Variants in CCDC141 observed in about 807,000 individuals in gnomAD.
CCDC141 encodes coiled-coil domain-containing protein 141.
CCDC141 carries 168 observed loss-of-function variants against 181.0 expected under a neutral mutation model. That is an observed-to-expected ratio of 0.93 (90% CI 0.82 to 1.05). The LOEUF (loss-of-function observed/expected upper bound fraction) is 1.05. CCDC141 is among the 50% of genes least tolerant of loss of function. The pLI, the probability that CCDC141 is intolerant of heterozygous loss-of-function variation, is 0.00. For synonymous variants in CCDC141, 666 were observed against 642.3 expected (o/e 1.04, Z -0.56); for missense variants, 1,902 against 1,788.5 (o/e 1.06, Z -1.14).
At chr2:178,894,635 A>C (rs1358815287) in intron 8 of CCDC141, among the ~76,000 whole-genome samples, 1 of 152,102 alleles carries the variant, frequency 6.6e-6, no homozygotes, top group Admixed American at 6.5e-5. Context: ...ATATTTTCTA[A>C]AATAAGAAAT....
chr2:179,015,080 ATAT>A lies in CCDC141; in HGVS notation c.225+32201_225+32203del, dbSNP rs1559048473. On this transcript the variant is annotated intron_variant, in intron 2 of 23. Transcript: ENST00000443758. ...GAGAGAGACAGAGATATATATATAT[ATAT>A]ATATATATATATATATATATAATAT... 5.6e-4 allele frequency among the ~76,000 whole-genome samples: 21 copies of A among 37,308 alleles called. 2 individuals carry two copies. The highest frequency in any genetic ancestry group is 1.7e-3 in the African/African-American group (20 of 11,910). 24.5% of individuals were successfully genotyped at this position (37,308 alleles called of 152,430 possible).
In CCDC141 at chr2:178,927,511, G is replaced by A. The variant is rs58427844; in HGVS notation, c.898-8604C>T. 5.1e-3 allele frequency among the ~76,000 whole-genome samples: 777 copies of A among 152,130 alleles called. 8 individuals carry two copies. Among genetic ancestry groups the A allele is most frequent in the African/African-American group, 0.018 (736 of 41,518 alleles). ...ATGTCCCAAGCAGGAGAGACAGCTC[G>A]AGCCAGAGCACTGAAGCAAGGGGGT... On this transcript the variant is annotated intron_variant, in intron 6 of 23. Transcript: ENST00000443758.
At chr2:178,974,304 C>G (rs534421508) in intron 4 of CCDC141, among the ~76,000 whole-genome samples, 1 of 152,114 alleles carries the variant, frequency 6.6e-6, no homozygotes, top group African/African-American at 2.4e-5. Flanking sequence ...TCTATCCAGA[C>G]CCTATTCTAT....
intron 6 of CCDC141, among the ~76,000 whole-genome samples, chr2:178,943,771 T>C (rs774760588): frequency 1.5e-4 from 23 of 152,082 alleles, no homozygotes; most frequent in Non-Finnish European, 3.2e-4. Flanking sequence ...CCCAGATGTA[T>C]AAACGCACTG....
intron 4 of CCDC141, among the ~76,000 whole-genome samples, chr2:178,964,444 T>A (rs536119318): frequency 6.6e-6 from 1 of 152,302 alleles, no homozygotes; most frequent in Admixed American, 6.5e-5. Flanking sequence ...CCCATGAGAA[T>A]ATGAACAATT....
chr2:178,874,857 T>G, intron 12 of CCDC141: 1 of 152,300 alleles, frequency 6.6e-6, no homozygotes, highest in Non-Finnish European at 1.5e-5. Context: ...TCTAAAGACG[T>G]TGACAAAATA....
chr2:178,895,540 A>G (rs997741641), intron 8 of CCDC141, among the ~76,000 whole-genome samples: 4 of 152,224 alleles, frequency 2.6e-5, no homozygotes, highest in Non-Finnish European at 4.4e-5. Context: ...TTTAATGGGA[A>G]GTGTGAGCTT....
At chr2:178,845,322 A>T (rs1684888872) in intron 22 of CCDC141, among the ~76,000 whole-genome samples, 1 of 152,176 alleles carries the variant, frequency 6.6e-6, no homozygotes, top group Non-Finnish European at 1.5e-5. Flanking sequence ...GCAGCTAGAG[A>T]TGGGAAAAAC....
chr2:178,918,881 C>T lies in CCDC141; in HGVS notation c.924G>A (p.Leu308=). The change falls in exon 7 of 24, where the codon CTG becomes CTA. Residue 308 remains leucine (L), a synonymous_variant. Transcript: ENST00000443758. ...AKEWNSAVEK[L]KSEALRILLS... Reference sequence around the variant, plus strand: ...GCAGAATTCTCAGTGCCTCACTCTTCAGCTTCTCAACAGCAGAATTCCATT... The same window carrying T: ...GCAGAATTCTCAGTGCCTCACTCTTTAGCTTCTCAACAGCAGAATTCCATT... 6.4e-7 allele frequency: 1 copy of T among 1,550,616 alleles called. No individual in the cohort carries two copies. The highest frequency in any genetic ancestry group is 8.7e-7 in the Non-Finnish European group (1 of 1,146,966).
intron 5 of CCDC141, among the ~76,000 whole-genome samples, chr2:178,960,403 A>G (rs1690343946): frequency 6.6e-6 from 1 of 152,126 alleles, no homozygotes; most frequent in South Asian, 2.1e-4. Context: ...TTCAATTTGG[A>G]TGGAGTAATA....
chr2:178,840,514 A>C (rs992565585), intron 22 of CCDC141, among the ~76,000 whole-genome samples: 8 of 152,202 alleles, frequency 5.3e-5, no homozygotes, highest in Non-Finnish European at 1.2e-4. Context: ...GTTTGGAAGA[A>C]GGTACTGAGC....
intron 4 of CCDC141, among the ~76,000 whole-genome samples, chr2:178,971,518 C>A (rs547118513): frequency 7.2e-5 from 11 of 152,284 alleles, no homozygotes; most frequent in Non-Finnish European, 1.6e-4. Context: ...TGTGGTGAAT[C>A]CTCAAGGATC....
At chr2:178,815,395 T>C in the CCDC141 span, among the ~76,000 whole-genome samples, 1 of 152,298 alleles carries the variant, frequency 6.6e-6, no homozygotes, top group Non-Finnish European at 1.5e-5. Context: ...TCACTTTGGA[T>C]CTAAGTGTTA....
At chr2:179,015,382 T>TCATATATGTATCATACATATCCC (rs2042456091) in intron 2 of CCDC141, among the ~76,000 whole-genome samples, 2 of 126,762 alleles carry the variant, frequency 1.6e-5, no homozygotes, top group African/African-American at 5.8e-5. Context: ...CATATATATC[T>TCATATATGTATCATACATATCCC]CATATATGTA....
At chr2:178,965,433 C>A (rs1690582085) in intron 4 of CCDC141, among the ~76,000 whole-genome samples, 1 of 152,212 alleles carries the variant, frequency 6.6e-6, no homozygotes, top group South Asian at 2.1e-4. Context: ...CCCGGTTCAT[C>A]TCATTGGTAC....
chr2:178,971,620 A>G (rs1690891460), intron 4 of CCDC141, among the ~76,000 whole-genome samples: 1 of 152,206 alleles, frequency 6.6e-6, no homozygotes, highest in Admixed American at 6.5e-5. Flanking sequence ...ACACATGCAC[A>G]TGTATGTTTA....
At chr2:178,959,520 C>T (rs543577991) in intron 5 of CCDC141, among the ~76,000 whole-genome samples, 4 of 152,144 alleles carry the variant, frequency 2.6e-5, no homozygotes, top group South Asian at 2.1e-4. Flanking sequence ...TAAGTTGTTT[C>T]GTGTCCTGAG....
At chr2:178,987,085 AAC>A (rs1471165765) in intron 2 of CCDC141, among the ~76,000 whole-genome samples, 586 of 147,450 alleles carry the variant, frequency 4.0e-3, no homozygotes, top group African/African-American at 0.014. Context: ...AGGCTACAGT[AAC>A]CAAAACAGCA....
At chr2:178,963,227 T>A (rs760525781) in intron 4 of CCDC141, among the ~76,000 whole-genome samples, 5 of 152,070 alleles carry the variant, frequency 3.3e-5, no homozygotes, top group African/African-American at 4.8e-5. Flanking sequence ...AAGAAGATTT[T>A]GGGTTTTGTG....
Sources: allele counts gnomAD v4.1 joint callset (sites outside exome capture counted in the v4.1 genomes callset), GRCh38; gene constraint gnomAD v4.1.1; transcripts MANE v1.5; gene names NCBI Gene and HGNC (gene_info 2026-07-23, HGNC 2026-07-21).